TOP1: variants seen among roughly 807,000 people sequenced by gnomAD.
TOP1 encodes DNA topoisomerase 1.
Under a neutral mutation model 111.1 loss-of-function variants are expected in TOP1, and 10 were observed. The ratio of observed to expected loss-of-function variants is 0.09; its 90% confidence interval spans 0.06 to 0.15. The LOEUF is 0.15. TOP1 is among the 10% of genes least tolerant of loss of function. The probability of loss-of-function intolerance (pLI) is 1.00; values close to 1 mark genes in which losing one functional copy is unlikely to be tolerated. For synonymous variants in TOP1, 271 were observed against 302.9 expected (o/e 0.89, Z 1.10); for missense variants, 474 against 926.7 (o/e 0.51, Z 6.34).
chr20:41,087,696 T>G (rs1304425041), intron 8 of TOP1, among the ~76,000 whole-genome samples: 2 of 152,334 alleles, frequency 1.3e-5, no homozygotes, highest in East Asian at 3.9e-4. Context: ...CTGACCTTTA[T>G]TTCTAAATTT....
chr20:41,077,485 C>A, intron 4 of TOP1, 97 bp from the exon 5 acceptor site: 1 of 954,096 alleles, frequency 1.0e-6, no homozygotes, highest in East Asian at 2.4e-5. Context: ...AGCTTGTGAT[C>A]ATGATGTCCC....
chr20:41,117,319 G>A (rs2034346094), intron 17 of TOP1, among the ~76,000 whole-genome samples: 1 of 151,712 alleles, frequency 6.6e-6, no homozygotes, highest in Admixed American at 6.6e-5. Flanking sequence ...TGGGTGACAG[G>A]GTGAGACGCT....
chr20:41,039,422 A>G (rs1488202633), intron 2 of TOP1, among the ~76,000 whole-genome samples: 5 of 151,946 alleles, frequency 3.3e-5, no homozygotes, highest in Non-Finnish European at 5.9e-5. Context: ...GAAATTGGAG[A>G]CCTAGGACCT....
In TOP1 at chr20:41,046,660, A is replaced by G. The variant is rs2033338395; in HGVS notation, c.59-14734A>G. Among the ~76,000 whole-genome samples the G allele has an allele frequency of 6.6e-6, 1 of 152,122 alleles. No individual in the cohort carries two copies. The highest frequency in any genetic ancestry group is 2.1e-4 in the South Asian group (1 of 4,824). ...CCCAGTTGTTCCAGAAATCAGTAAA[A>G]CCTATTTGAGTATTCAAGAAAAAGG... On this transcript the variant is annotated intron_variant, in intron 2 of 20. Transcript: ENST00000361337. The surrounding 1 kb of genome is among the most constrained non-coding windows in gnomAD (Gnocchi z 4.3).
In TOP1 at chr20:41,097,486, T is replaced by G. The variant is rs1203744394; in HGVS notation, c.852+145T>G. The G allele has an allele frequency of 1.2e-6, 1 of 816,282 alleles. No homozygotes were observed. Among genetic ancestry groups the G allele is most frequent in the African/African-American group, 1.8e-5 (1 of 56,806 alleles). The allele number at this position is 816,282 out of a possible 1,614,324, so 50.6% of individuals were successfully genotyped here. On this transcript the variant is annotated intron_variant, in intron 10 of 20. Transcript: ENST00000361337. This position sits in a 1 kb window ranked among gnomAD's most constrained non-coding sequence, Gnocchi z 4.2. ...TATTTAAACTTGCGTATTTTTTGTC[T>G]TCATTTACTATATTATGTAGGGTTT... is the stretch of plus-strand genomic sequence containing the variant.
chr20:41,107,176 A>G (rs1286591867), intron 13 of TOP1, among the ~76,000 whole-genome samples: 1 of 152,190 alleles, frequency 6.6e-6, no homozygotes, highest in African/African-American at 2.4e-5. Context: ...TATAGGGAAG[A>G]TTCTGGTTTC....
chr20:41,059,854 G>C (rs1262800100), intron 2 of TOP1, among the ~76,000 whole-genome samples: 1 of 152,318 alleles, frequency 6.6e-6, no homozygotes, highest in East Asian at 1.9e-4. Flanking sequence ...GTAGTAAGAA[G>C]ACCAAGAAAG....
Position 41,122,292 on chromosome 20 carries a change from G to A in TOP1, c.2195+137G>A. 1.1e-6 allele frequency: 1 copy of A among 885,918 alleles called. No individual in the cohort carries two copies. Among genetic ancestry groups the A allele is most frequent in the East Asian group, 2.5e-5 (1 of 40,646 alleles). The allele number at this position is 885,918 out of a possible 1,614,324, so 54.9% of individuals were successfully genotyped here. A position where few individuals can be genotyped will look rare whatever the true frequency, so the allele number is the denominator to read the frequency against. ...TCTGGGGAAACTTCTGGCTTCAGCTGTGTACAAGTTACTCTGGTTGCTGAA... is the reference window on the plus strand; with the variant it reads ...TCTGGGGAAACTTCTGGCTTCAGCTATGTACAAGTTACTCTGGTTGCTGAA... On this transcript the variant is annotated intron_variant, in intron 20 of 20. Transcript: ENST00000361337. The surrounding 1 kb of genome is among the most constrained non-coding windows in gnomAD (Gnocchi z 5.4).
chr20:41,039,674 C>T (rs781699783), intron 2 of TOP1, among the ~76,000 whole-genome samples: 6 of 152,022 alleles, frequency 3.9e-5, no homozygotes, highest in East Asian at 3.9e-4. Context: ...TTTAGGAGGC[C>T]GAGGCGGGCG....
In TOP1 at chr20:41,122,009, A is replaced by G; in HGVS notation, c.2049A>G (p.Val683=). 1 of 1,613,902 alleles carries G rather than the reference A, an allele frequency of 6.2e-7. No individual in the cohort carries two copies. Among genetic ancestry groups the G allele is most frequent in the Non-Finnish European group, 8.5e-7 (1 of 1,180,004 alleles). Residue 683 remains valine (V), a synonymous_variant, in exon 20 of 21, where the codon GTA becomes GTG. Transcript: ENST00000361337. The surrounding 1 kb of genome is among the most constrained non-coding windows in gnomAD (Gnocchi z 5.4). The stretch of plus-strand genomic sequence containing the variant: ...GAGGACTTTGCTATTCTTCTAGGGT[A>G]GTAGAGTCAAAGAAGAAGGCTGTTC... ...KVMKDAKTKK[V]VESKKKAVQR...
rs565541286 is a variant in TOP1, at chr20:41,047,989, G to A, written c.59-13405G>A. 2.3e-4 allele frequency among the ~76,000 whole-genome samples: 35 copies of A among 151,906 alleles called. 1 individual carries two copies. The highest frequency in any genetic ancestry group is 8.5e-4 in the African/African-American group (35 of 41,408). On this transcript the variant is annotated intron_variant, in intron 2 of 20. Coordinates refer to ENST00000361337, the MANE Select transcript of TOP1 (RefSeq NM_003286.4). ...TTAGAGTAGCTGTGCCACCCCTTAA[G>A]TAGCTTTTCCTTCTTCCTTTCAAAT...
At chr20:41,059,779 T>C (rs1219338886) in intron 2 of TOP1, among the ~76,000 whole-genome samples, 5 of 152,168 alleles carry the variant, frequency 3.3e-5, no homozygotes, top group Non-Finnish European at 7.3e-5. Context: ...GGAGAAAATA[T>C]TCACAGTTCG....
rs1208029262 is a variant in TOP1, at chr20:41,095,951, A to G, written c.731-1269A>G. Among the ~76,000 whole-genome samples the G allele has an allele frequency of 6.6e-6, 1 of 152,228 alleles. No homozygotes were observed. The highest frequency in any genetic ancestry group is 6.5e-5 in the Admixed American group (1 of 15,278). On this transcript the variant is annotated intron_variant, in intron 9 of 20. Transcript: ENST00000361337. The surrounding 1 kb of genome is among the most constrained non-coding windows in gnomAD (Gnocchi z 4.6). ...TGTTTGAAAAGTGGATTAAATTCCC[A>G]AGTACTTTTCTTTCATTGCTTTATT...
At chr20:41,076,829 G>C (rs2033732866) in intron 4 of TOP1, among the ~76,000 whole-genome samples, 1 of 152,200 alleles carries the variant, frequency 6.6e-6, no homozygotes, top group Non-Finnish European at 1.5e-5. Flanking sequence ...ATATGGTGAA[G>C]AAGACATCTC....
rs913703183 is a variant in TOP1, at chr20:41,110,474, A to G, written c.1309-2308A>G. 2.0e-5 allele frequency among the ~76,000 whole-genome samples: 3 copies of G among 152,230 alleles called. No individual in the cohort carries two copies. The highest frequency in any genetic ancestry group is 2.9e-5 in the Non-Finnish European group (2 of 68,038). ...AATACTGGCAAATGTCCTCTTCCCCATTACAAACGTCTGAGAAAGTTACTA... is the reference window on the plus strand; with the variant it reads ...AATACTGGCAAATGTCCTCTTCCCCGTTACAAACGTCTGAGAAAGTTACTA... On this transcript the variant is annotated intron_variant, in intron 13 of 20. Transcript: ENST00000361337. This position sits in a 1 kb window ranked among gnomAD's most constrained non-coding sequence, Gnocchi z 4.2.
intron 7 of TOP1, among the ~76,000 whole-genome samples, chr20:41,084,255 T>C (rs527536717): frequency 6.6e-6 from 1 of 152,200 alleles, no homozygotes; most frequent in South Asian, 2.1e-4. Context: ...TCTCAAGTAG[T>C]TGTTTGTCAG....
rs2034215148 is a variant in TOP1 at position 41,110,297 on chromosome 20, AAAGTT to A, written c.1309-2482_1309-2478del. Among the ~76,000 whole-genome samples the A allele has an allele frequency of 6.6e-6, 1 of 152,306 alleles. No individual in the cohort carries two copies. Among genetic ancestry groups the A allele is most frequent in the African/African-American group, 2.4e-5 (1 of 41,556 alleles). The stretch of plus-strand genomic sequence containing the variant: ...AGACGCTGTCTCAGAGGGAAAAAAA[AAAGTT>A]AAAAAGGCAGACAGAGGAGTCTATA... On this transcript the variant is annotated intron_variant, in intron 13 of 20. Coordinates refer to ENST00000361337, the MANE Select transcript of TOP1 (RefSeq NM_003286.4). The surrounding 1 kb of genome is among the most constrained non-coding windows in gnomAD (Gnocchi z 4.2).
rs1023911046 is a variant in TOP1, at chr20:41,109,496, A to G, written c.1309-3286A>G. The stretch of plus-strand genomic sequence containing the variant: ...TAAAATTAAAAATTTATGTTCAACA[A>G]AAGACACTGCTAAAATAAATACAGA... On this transcript the variant is annotated intron_variant, in intron 13 of 20. Transcript: ENST00000361337. The surrounding 1 kb of genome is among the most constrained non-coding windows in gnomAD (Gnocchi z 4.1). Among the ~76,000 whole-genome samples the G allele has an allele frequency of 3.9e-5, 6 of 152,208 alleles. No individual in the cohort carries two copies. Among genetic ancestry groups the G allele is most frequent in the African/African-American group, 1.4e-4 (6 of 41,458 alleles).
At position 41,092,204 on chromosome 20, in the gene TOP1, T is replaced by C. The variant is rs2033928840; in HGVS notation, c.615-268T>C. 6.6e-6 allele frequency among the ~76,000 whole-genome samples: 1 copy of C among 152,224 alleles called. No individual in the cohort carries two copies. Among genetic ancestry groups the C allele is most frequent in the Non-Finnish European group, 1.5e-5 (1 of 68,038 alleles). On this transcript the variant is annotated intron_variant, in intron 8 of 20. Coordinates refer to ENST00000361337, the MANE Select transcript of TOP1 (RefSeq NM_003286.4). The surrounding 1 kb of genome is among the most constrained non-coding windows in gnomAD (Gnocchi z 4.3). ...CCTCACTTGTTACTGAGCTCCTTCA[T>C]TGTTGATCTCTTCTGTCCAGTATTC...
Sources: gnomAD v4.1 joint callset for allele counts (sites outside exome capture counted in the v4.1 genomes callset) on GRCh38, gnomAD v4.1.1 for gene constraint, Gnocchi (gnomAD v3.1) non-coding constraint, MANE v1.5 for transcripts, NCBI Gene and HGNC (gene_info 2026-07-23, HGNC 2026-07-21) for gene names.